The following THSD4 variants were observed in gnomAD, a reference collection of about 807,000 sequenced individuals.
The protein encoded by THSD4 is thrombospondin type-1 domain-containing protein 4.
In THSD4, 69 loss-of-function variants were observed where a neutral mutation model predicts 119.0. The observed-to-expected ratio is 0.58, with a 90% CI of 0.48 to 0.71. The LOEUF (loss-of-function observed/expected upper bound fraction) is 0.71. THSD4 is among the 30% of genes least tolerant of loss of function. The pLI is 0.00. For synonymous variants in THSD4, 524 were observed against 540.4 expected, an observed-to-expected ratio of 0.97 and a Z score of 0.42; for missense variants, 1,393 against 1,391.1, an observed-to-expected ratio of 1.00 and a Z score of -0.02.
chr15:71,279,870 G>T (rs1486917645), intron 6 of THSD4, among the ~76,000 whole-genome samples: 1 of 152,174 alleles, frequency 6.6e-6, no homozygotes, highest in Non-Finnish European at 1.5e-5. Context: ...GTGGCCTTGG[G>T]GTAGCAGGAA....
chr15:71,370,053 T>G (rs1481934575), intron 6 of THSD4, among the ~76,000 whole-genome samples: 1 of 144,868 alleles, frequency 6.9e-6, no homozygotes, highest in African/African-American at 2.5e-5. Context: ...TTCTAGATTT[T>G]CTAGTTTTTT....
At chr15:71,118,292 C>A (rs904793712) in intron 1 of THSD4, among the ~76,000 whole-genome samples, 1 of 152,182 alleles carries the variant, frequency 6.6e-6, no homozygotes, top group Admixed American at 6.5e-5. Flanking sequence ...GGCCATCCCT[C>A]CACTCACCCA....
intron 7 of THSD4, among the ~76,000 whole-genome samples, chr15:71,539,463 G>T (rs896363250): frequency 6.6e-6 from 1 of 152,154 alleles, no homozygotes; most frequent in Non-Finnish European, 1.5e-5. Context: ...TTTGCAGGAG[G>T]TAAAATAGCC....
chr15:71,658,738 A>G (rs1483741152), intron 7 of THSD4, among the ~76,000 whole-genome samples: 1 of 152,222 alleles, frequency 6.6e-6, no homozygotes, highest in Non-Finnish European at 1.5e-5. Context: ...AGAAATACAT[A>G]GCAAACATGG....
At chr15:71,447,079 AAC>A (rs1387975606) in intron 7 of THSD4, among the ~76,000 whole-genome samples, 4 of 150,736 alleles carry the variant, frequency 2.7e-5, no homozygotes, top group African/African-American at 9.8e-5. Flanking sequence ...GTTTGCAAAC[AAC>A]AGTGTCCTCT....
rs72744658 is a variant in THSD4, at chr15:71,738,115, C to T, written c.1906+108C>T. On this transcript the variant is annotated intron_variant, in intron 11 of 17. Coordinates refer to ENST00000261862, the MANE Select transcript of THSD4 (RefSeq NM_024817.3). Reference sequence around the variant, plus strand: ...CTTTTTTGGCACCAGGGACTGGTTTCGTGGAAGACGATTTCTCCATGGATG... The same window carrying T: ...CTTTTTTGGCACCAGGGACTGGTTTTGTGGAAGACGATTTCTCCATGGATG... 3.3e-3 allele frequency: 4,698 copies of T among 1,412,832 alleles called. 25 individuals carry two copies. Among genetic ancestry groups the T allele is most frequent in the Non-Finnish European group, 4.0e-3 (4,162 of 1,047,652 alleles). 87.5% of individuals were successfully genotyped at this position (1,412,832 alleles called of 1,614,324 possible).
intron 3 of THSD4, among the ~76,000 whole-genome samples, chr15:71,174,119 A>G (rs1395887813): frequency 6.6e-6 from 1 of 152,210 alleles, no homozygotes; most frequent in African/African-American, 2.4e-5. Context: ...GTGCCTTAAA[A>G]AGACACTATC....
At chr15:71,224,091 G>A (rs1282265450) in intron 4 of THSD4, among the ~76,000 whole-genome samples, 2 of 152,186 alleles carry the variant, frequency 1.3e-5, no homozygotes, top group Non-Finnish European at 2.9e-5. Flanking sequence ...ATTGAGCTGT[G>A]CTTTGAAAAG....
chr15:71,296,660 A>G (rs549062645), intron 6 of THSD4, among the ~76,000 whole-genome samples: 1 of 152,314 alleles, frequency 6.6e-6, no homozygotes, highest in South Asian at 2.1e-4. Flanking sequence ...CCCTGGCTTC[A>G]TGGACATAAA....
At chr15:71,514,122 C>T (rs1012844102) in intron 7 of THSD4, among the ~76,000 whole-genome samples, 1 of 152,180 alleles carries the variant, frequency 6.6e-6, no homozygotes, top group African/African-American at 2.4e-5. Context: ...GGGCTAGGGC[C>T]CCACTGGCTA....
rs111715839 is a variant in THSD4 at position 71,533,931 on chromosome 15, A to C, written c.1152+122108A>C. ...TATCATTAGGGGTTATTGGAAATCC[A>C]AAGTCTCAGGCCCCATCCCAGACCT... is the stretch of plus-strand genomic sequence containing the variant. On this transcript the variant is annotated intron_variant, in intron 7 of 17. Coordinates refer to ENST00000261862, the MANE Select transcript of THSD4 (RefSeq NM_024817.3). Among the ~76,000 whole-genome samples, 798 of 152,314 alleles carry C rather than the reference A, an allele frequency of 5.2e-3. 10 individuals are homozygous for C. Among genetic ancestry groups the C allele is most frequent in the African/African-American group, 0.019 (778 of 41,564 alleles).
intron 14 of THSD4, among the ~76,000 whole-genome samples, chr15:71,753,229 C>T (rs2053481805): frequency 6.6e-6 from 1 of 152,156 alleles, no homozygotes; most frequent in African/African-American, 2.4e-5. Flanking sequence ...GCTGCTTGTA[C>T]TTGAGAGTGG....
At chr15:71,161,539 A>G (rs1208240607) in intron 3 of THSD4, among the ~76,000 whole-genome samples, 1 of 151,890 alleles carries the variant, frequency 6.6e-6, no homozygotes, top group Non-Finnish European at 1.5e-5. Context: ...AGTCTATTTC[A>G]TCTCATGTAA....
intron 3 of THSD4, among the ~76,000 whole-genome samples, chr15:71,181,197 A>G (rs2043521380): frequency 6.6e-6 from 1 of 152,222 alleles, no homozygotes; most frequent in Non-Finnish European, 1.5e-5. Context: ...TCCGTTTCTA[A>G]TGGCATAAAT....
chr15:71,699,092 GTAA>G lies in THSD4; in HGVS notation c.1358-29450_1358-29448del, dbSNP rs1196108711. On this transcript the variant is annotated intron_variant, in intron 8 of 17. Coordinates refer to ENST00000261862, the MANE Select transcript of THSD4 (RefSeq NM_024817.3). ...TTTTAAGTATTCTTATCATAAAATG[GTAA>G]TAATAAAGAGGATGGGAGGAAACTT... Among the ~76,000 whole-genome samples, 6 of 152,156 alleles carry G rather than the reference GTAA, an allele frequency of 3.9e-5. No individual in the cohort carries two copies. The East Asian group carries it at 1.2e-3, about 29-fold the overall frequency.
chr15:71,497,499 C>T (rs555372888), intron 7 of THSD4, among the ~76,000 whole-genome samples: 4 of 144,586 alleles, frequency 2.8e-5, no homozygotes, highest in Admixed American at 1.5e-4. Flanking sequence ...GGTGATAGAG[C>T]GAGACTCCAT....
intron 7 of THSD4, among the ~76,000 whole-genome samples, chr15:71,565,832 A>G (rs1297469568): frequency 1.3e-5 from 2 of 152,362 alleles, no homozygotes; most frequent in Admixed American, 1.3e-4. Flanking sequence ...TGACAAGGGA[A>G]GAAAAGCAAG....
chr15:71,603,644 G>C (rs961121993), intron 7 of THSD4, among the ~76,000 whole-genome samples: 1 of 146,848 alleles, frequency 6.8e-6, no homozygotes, highest in South Asian at 2.3e-4. Context: ...TGAGCAAGCC[G>C]ATGGGATTTT....
At chr15:71,598,814 C>T (rs190419699) in intron 7 of THSD4, among the ~76,000 whole-genome samples, 27 of 152,120 alleles carry the variant, frequency 1.8e-4, no homozygotes, top group African/African-American at 4.6e-4. Context: ...GACAGGGTTT[C>T]GCCCTGTTGC....
Sources: gnomAD v4.1 joint callset for allele counts (sites outside exome capture counted in the v4.1 genomes callset) on GRCh38, gnomAD v4.1.1 for gene constraint, MANE v1.5 for transcripts, NCBI Gene and HGNC (gene_info 2026-07-23, HGNC 2026-07-21) for gene names.